Variants in PCDHGA8 observed in about 807,000 individuals in gnomAD.
PCDHGA8 encodes protocadherin gamma-A8.
Under a neutral mutation model 59.2 loss-of-function variants are expected in PCDHGA8, and 45 were observed. The observed-to-expected ratio is 0.76, with a 90% CI of 0.60 to 0.98. The LOEUF (loss-of-function observed/expected upper bound fraction) is 0.98, where lower values mean the gene tolerates loss of function less well. Among genes scored for constraint, PCDHGA8 ranks in the 50% least tolerant of loss-of-function variants. PCDHGA8 has a pLI of 0.00. For missense variants in PCDHGA8, 1,257 were observed against 1,196.2 expected, an observed-to-expected ratio of 1.05 and a Z score of -0.75; for synonymous variants, 531 against 519.0, an observed-to-expected ratio of 1.02 and a Z score of -0.32.
chr5:141,450,758 A>G (rs1007910264), intron 1 of PCDHGA8, among the ~76,000 whole-genome samples: 2 of 151,784 alleles, frequency 1.3e-5, no homozygotes, highest in African/African-American at 4.8e-5. Flanking sequence ...AAGTGCCGGG[A>G]TTACAGGCAT....
chr5:141,409,608 C>T, intron 1 of PCDHGA8: 18 of 1,613,942 alleles, frequency 1.1e-5, no homozygotes, highest in Non-Finnish European at 1.4e-5. Flanking sequence ...CCGCCAGGAG[C>T]CTCCATTGCG....
At chr5:141,403,986 C>T in intron 1 of PCDHGA8, 1 of 1,613,704 alleles carries the variant, frequency 6.2e-7, no homozygotes, top group Non-Finnish European at 8.5e-7. Context: ...GACAATAGAC[C>T]TGAAGTGACC....
chr5:141,392,911 A>G lies in PCDHGA8; in HGVS notation c.98A>G (p.Tyr33Cys), dbSNP rs1416480997. 6.2e-7 allele frequency: 1 copy of G among 1,613,712 alleles called. No individual in the cohort carries two copies. The highest frequency in any genetic ancestry group is 1.3e-5 in the African/African-American group (1 of 74,912). The change falls in exon 1 of 4, where the codon TAC (tyrosine) becomes TGC (cysteine). Residue 33 changes from tyrosine to cysteine, a missense_variant. Coordinates refer to ENST00000398604, the MANE Select transcript of PCDHGA8 (RefSeq NM_032088.2). ...GAAATCGGGAGGGGACAGATTCGCT[A>G]CTCTGTGCCAGAAGAGACGGACAAA... ...LWEIGRGQIRYSVPEETDKGS... is the reference protein window; with the variant it reads ...LWEIGRGQIRCSVPEETDKGS...
At chr5:141,410,532 A>G in intron 1 of PCDHGA8, 1 of 1,613,908 alleles carries the variant, frequency 6.2e-7, no homozygotes, top group Non-Finnish European at 8.5e-7. Context: ...CATTCCAATG[A>G]AGACATGGTT....
chr5:141,470,680 T>C (rs1212361233), intron 1 of PCDHGA8, among the ~76,000 whole-genome samples: 1 of 152,090 alleles, frequency 6.6e-6, no homozygotes, highest in Non-Finnish European at 1.5e-5. Context: ...GCTGTTACCA[T>C]CTTGAAATTC....
intron 3 of PCDHGA8, 162 bp downstream of exon 3, chr5:141,505,643 T>C: frequency 1.0e-6 from 1 of 967,852 alleles, no homozygotes. Context: ...AAGCCTGGAA[T>C]TGTGGCTAAG....
At position 141,399,393 on chromosome 5, in the gene PCDHGA8, C is replaced by G. The variant is rs762678347; in HGVS notation, c.2424+4156C>G. 28 of 1,613,976 alleles carry G rather than the reference C, an allele frequency of 1.7e-5. No homozygotes were observed. In the Middle Eastern group the frequency reaches 2.8e-3, roughly 162 times the overall value. ...ACAATGTCACCATCACAGCCACAGA[C>G]AGGGGCAAGCCGCCCCTCTCCTCCA... On this transcript the variant is annotated intron_variant, in intron 1 of 3. Transcript: ENST00000398604.
chr5:141,419,878 G>T (rs1342215231), intron 1 of PCDHGA8: 1 of 1,613,942 alleles, frequency 6.2e-7, no homozygotes, highest in African/African-American at 1.3e-5. Context: ...AGGTACTGCC[G>T]GATTTCAGCG....
At position 141,489,180 on chromosome 5, in the gene PCDHGA8, C is replaced by G. The variant is rs942218118; in HGVS notation, c.2425-5627C>G. On this transcript the variant is annotated intron_variant, in intron 1 of 3. Transcript: ENST00000398604. This position sits in a 1 kb window ranked among gnomAD's most constrained non-coding sequence, Gnocchi z 4.5. ...GACTTCAGCTGCTGCATTCCAAGCC[C>G]TGGGTCTACCTTGGAGACAGGACAG... The G allele has an allele frequency of 1.8e-5, 23 of 1,259,630 alleles. No homozygotes were observed. In the South Asian group the frequency reaches 3.0e-4, roughly 17 times the overall value. The allele number at this position is 1,259,630 out of a possible 1,614,324, so 78.0% of individuals were successfully genotyped here.
rs750804901 is a variant in PCDHGA8, at chr5:141,476,422, C to T, written c.2425-18385C>T. ...GAGAGGAGCTGTGTGGGACACTGCC[C>T]TCTTGCACTGTAACTCTGGAGTTGG... On this transcript the variant is annotated intron_variant, in intron 1 of 3. Transcript: ENST00000398604. The surrounding 1 kb of genome is among the most constrained non-coding windows in gnomAD (Gnocchi z 7.6). The T allele has an allele frequency of 1.7e-5, 28 of 1,614,026 alleles. No homozygotes were observed. Among genetic ancestry groups the T allele is most frequent in the East Asian group, 2.2e-5 (1 of 44,860 alleles).
At chr5:141,421,464 T>C in intron 1 of PCDHGA8, 1 of 1,614,090 alleles carries the variant, frequency 6.2e-7, no homozygotes, top group Non-Finnish European at 8.5e-7. Flanking sequence ...TCGCTGTGAA[T>C]CCGCGAAGCG....
rs1042973261 is a variant in PCDHGA8 at position 141,491,547 on chromosome 5, G to T, written c.2425-3260G>T. ...AGGTGACGCTGCGGCCCACAGACTC[G>T]CAGAGCCACTGCTACAGGACGTGCT... On this transcript the variant is annotated intron_variant, in intron 1 of 3. Transcript: ENST00000398604. The surrounding 1 kb of genome is among the most constrained non-coding windows in gnomAD (Gnocchi z 6.9). 6.8e-6 allele frequency: 11 copies of T among 1,613,856 alleles called. No homozygotes were observed. Among genetic ancestry groups the T allele is most frequent in the Middle Eastern group, 1.6e-4 (1 of 6,084 alleles).
intron 3 of PCDHGA8, among the ~76,000 whole-genome samples, chr5:141,506,925 A>G (rs1287267937): frequency 1.3e-5 from 2 of 152,152 alleles, no homozygotes; most frequent in African/African-American, 4.8e-5. Context: ...ATACTAAACA[A>G]ACTTTAGGGG....
At chr5:141,398,908 G>C (rs2093725359) in intron 1 of PCDHGA8, 1 of 1,613,860 alleles carries the variant, frequency 6.2e-7, no homozygotes, top group South Asian at 1.1e-5. Flanking sequence ...AGGCACCACT[G>C]TGTTGCAAGT....
intron 1 of PCDHGA8, among the ~76,000 whole-genome samples, chr5:141,435,367 A>C (rs2097758993): frequency 1.3e-5 from 2 of 152,194 alleles, no homozygotes; most frequent in African/African-American, 4.8e-5. Flanking sequence ...TTTATCACTT[A>C]AATATACAAT....
At position 141,403,513 on chromosome 5, in the gene PCDHGA8, T is replaced by G. The variant is rs754840157; in HGVS notation, c.2424+8276T>G. ...CCCTGAACGTGCAGACTGGAGACAATGGAGCCATAAACCCAGAGCTGGTGC... is the reference window on the plus strand; with the variant it reads ...CCCTGAACGTGCAGACTGGAGACAAGGGAGCCATAAACCCAGAGCTGGTGC... On this transcript the variant is annotated intron_variant, in intron 1 of 3. Coordinates refer to ENST00000398604, the MANE Select transcript of PCDHGA8 (RefSeq NM_032088.2). 8.1e-5 allele frequency: 131 copies of G among 1,613,832 alleles called. 1 individual carries two copies. In the African/African-American group the frequency reaches 1.2e-3, roughly 15 times the overall value.
chr5:141,476,412 G>T lies in PCDHGA8; in HGVS notation c.2425-18395G>T. The T allele has an allele frequency of 1.2e-6, 2 of 1,614,140 alleles. No homozygotes were observed. Among genetic ancestry groups the T allele is most frequent in the Non-Finnish European group, 1.7e-6 (2 of 1,180,010 alleles). On this transcript the variant is annotated intron_variant, in intron 1 of 3. Coordinates refer to ENST00000398604, the MANE Select transcript of PCDHGA8 (RefSeq NM_032088.2). The surrounding 1 kb of genome is among the most constrained non-coding windows in gnomAD (Gnocchi z 7.6). ...CGTCTGGATCGAGAGGAGCTGTGTGGGACACTGCCCTCTTGCACTGTAACT... is the reference window on the plus strand; with the variant it reads ...CGTCTGGATCGAGAGGAGCTGTGTGTGACACTGCCCTCTTGCACTGTAACT...
At chr5:141,413,562 T>C in intron 1 of PCDHGA8, 1 of 1,613,850 alleles carries the variant, frequency 6.2e-7, no homozygotes, top group Non-Finnish European at 8.5e-7. Context: ...AAGTAACTGA[T>C]ATCAATGACA....
intron 1 of PCDHGA8, chr5:141,399,813 G>A (rs985564503): frequency 6.2e-7 from 1 of 1,613,198 alleles, no homozygotes; most frequent in Non-Finnish European, 8.5e-7. Context: ...TGTACCCCGC[G>A]CTGGGTCCCG....
Sources: gnomAD v4.1 joint callset for allele counts (sites outside exome capture counted in the v4.1 genomes callset) on GRCh38, gnomAD v4.1.1 for gene constraint, Gnocchi (gnomAD v3.1) non-coding constraint, MANE v1.5 for transcripts, NCBI Gene and HGNC (gene_info 2026-07-23, HGNC 2026-07-21) for gene names.